ASIC2: variants seen among roughly 807,000 people sequenced by gnomAD.
ASIC2 encodes acid-sensing ion channel 2.
A neutral mutation model predicts 57.3 loss-of-function variants in ASIC2; 25 were observed. The ratio of observed to expected loss-of-function variants is 0.44; its 90% CI spans 0.32 to 0.61. The LOEUF (loss-of-function observed/expected upper bound fraction) is 0.61, where lower values mean the gene tolerates loss of function less well. Ranked by LOEUF, ASIC2 falls within the 20% of genes least tolerant of loss-of-function variation. The pLI is 0.06. For synonymous variants in ASIC2, 319 were observed against 307.5 expected (o/e 1.04, Z -0.39); for missense variants, 641 against 738.1 (o/e 0.87, Z 1.52).
chr17:33,969,612 G>A (rs1352933997), intron 1 of ASIC2, among the ~76,000 whole-genome samples: 2 of 152,190 alleles, frequency 1.3e-5, no homozygotes, highest in Admixed American at 6.5e-5. Flanking sequence ...TCCCACTGGG[G>A]TCTCTGGGCG....
At chr17:33,967,801 C>T (rs761432753) in intron 1 of ASIC2, among the ~76,000 whole-genome samples, 2 of 152,194 alleles carry the variant, frequency 1.3e-5, no homozygotes, top group East Asian at 1.9e-4. Flanking sequence ...CCTCACCACA[C>T]CCCTGTGAGT....
intron 1 of ASIC2, among the ~76,000 whole-genome samples, chr17:33,797,689 A>G (rs1483158349): frequency 6.6e-6 from 1 of 152,162 alleles, no homozygotes; most frequent in Admixed American, 6.5e-5. Flanking sequence ...GACCAAGGTA[A>G]TTTGCTGAAG....
intron 1 of ASIC2, among the ~76,000 whole-genome samples, chr17:33,639,761 G>A (rs200641594): frequency 9.3e-3 from 1,156 of 124,684 alleles, no homozygotes; most frequent in Middle Eastern, 0.017. Flanking sequence ...CTCAGGTTAA[G>A]AAAAAAAAAA....
rs569752796 is a variant in ASIC2, at chr17:33,538,551, C to T, written c.556-426484G>A. ...TCACAAGGCCAGTGCTTGGCAAAGC[C>T]GGGATAGAAACCCAGTTCCTCTGAC... On this transcript the variant is annotated intron_variant, in intron 1 of 9. Coordinates refer to the ASIC2 transcript ENST00000359872. Among the ~76,000 whole-genome samples, 52 of 152,298 alleles carry T rather than the reference C, an allele frequency of 3.4e-4. No individual in the cohort carries two copies. In the South Asian group the frequency reaches 9.1e-3, roughly 27 times the overall value.
At chr17:34,087,892 A>G (rs566401723) in intron 1 of ASIC2, among the ~76,000 whole-genome samples, 40 of 152,252 alleles carry the variant, frequency 2.6e-4, no homozygotes, top group African/African-American at 9.1e-4. Flanking sequence ...CAGCTCCATC[A>G]GCTCCTTTAA....
At chr17:33,395,450 A>T (rs1199437765) in intron 1 of ASIC2, among the ~76,000 whole-genome samples, 4 of 152,170 alleles carry the variant, frequency 2.6e-5, no homozygotes, top group Admixed American at 6.5e-5. Flanking sequence ...AAAAATCATC[A>T]GATTTTGTGA....
intron 1 of ASIC2, among the ~76,000 whole-genome samples, chr17:33,993,361 G>C (rs1906058326): frequency 6.6e-6 from 1 of 152,192 alleles, no homozygotes; most frequent in African/African-American, 2.4e-5. Context: ...TTGTCCAAAA[G>C]AGAACAGCAG....
intron 1 of ASIC2, among the ~76,000 whole-genome samples, chr17:33,475,008 G>T (rs1424390094): frequency 6.6e-6 from 1 of 152,072 alleles, no homozygotes; most frequent in Non-Finnish European, 1.5e-5. Context: ...CTCCAGGATG[G>T]TTTTTTGTTA....
In ASIC2 at chr17:33,406,881, G is replaced by T. The variant is rs112928340; in HGVS notation, c.556-294814C>A. Reference sequence around the variant, plus strand: ...TGTATTTGCAGAAGATGTTGAAAATGATGAAAGTTATAATAGACTAATGTT... The same window carrying T: ...TGTATTTGCAGAAGATGTTGAAAATTATGAAAGTTATAATAGACTAATGTT... On this transcript the variant is annotated intron_variant, in intron 1 of 9. Coordinates refer to the ASIC2 transcript ENST00000359872. Among the ~76,000 whole-genome samples, 392 of 152,294 alleles carry T rather than the reference G, an allele frequency of 2.6e-3. 2 individuals are homozygous for T. The highest frequency in any genetic ancestry group is 9.1e-3 in the African/African-American group (377 of 41,568).
At chr17:33,578,057 G>C (rs1397147441) in intron 1 of ASIC2, among the ~76,000 whole-genome samples, 1 of 152,148 alleles carries the variant, frequency 6.6e-6, no homozygotes, top group Non-Finnish European at 1.5e-5. Context: ...GGGTGGAGCT[G>C]AATTTCTATA....
At chr17:33,820,995 CAGTTCTGCCGGG>C (rs1912729813) in intron 1 of ASIC2, among the ~76,000 whole-genome samples, 1 of 152,236 alleles carries the variant, frequency 6.6e-6, no homozygotes. Context: ...TAGGTACAAA[CAGTTCTGCCGGG>C]AGTTCTGCAT....
intron 1 of ASIC2, among the ~76,000 whole-genome samples, chr17:34,147,816 C>T (rs950592110): frequency 1.3e-5 from 2 of 152,138 alleles, no homozygotes; most frequent in African/African-American, 4.8e-5. Flanking sequence ...TCTCTAGACT[C>T]AGGTGGTATC....
Position 33,291,795 on chromosome 17 carries a change from G to A in ASIC2, c.321C>T (p.Arg107=). The change falls in exon 1 of 10, where the codon CGC becomes CGT. Residue 107 remains arginine, a synonymous_variant. Transcript: ENST00000225823. ...ACGGGAAGCTGAGCCAGTAGAGCAA[G>A]CGGTTCGAGGACCAGGACAGCAGCA... ...FGLLLSWSSN[R]LLYWLSFPSH... The A allele has an allele frequency of 6.2e-7, 1 of 1,613,662 alleles. No homozygotes were observed. Among genetic ancestry groups the A allele is most frequent in the East Asian group, 2.2e-5 (1 of 44,846 alleles).
chr17:33,406,370 C>T (rs895803755), intron 1 of ASIC2, among the ~76,000 whole-genome samples: 15 of 152,250 alleles, frequency 9.9e-5, no homozygotes, highest in East Asian at 3.9e-4. Context: ...TCAATGTGGA[C>T]GGGGCATAAA....
intron 1 of ASIC2, among the ~76,000 whole-genome samples, chr17:33,424,666 C>T (rs1304047803): frequency 6.6e-6 from 1 of 152,186 alleles, no homozygotes; most frequent in Non-Finnish European, 1.5e-5. Context: ...GTTCTCGGAT[C>T]AACTTTCATT....
intron 1 of ASIC2, among the ~76,000 whole-genome samples, chr17:33,876,140 CT>C: frequency 6.6e-6 from 1 of 152,170 alleles, no homozygotes; most frequent in East Asian, 1.9e-4. Flanking sequence ...ATCTTTGTTT[CT>C]TTGTACCTCT....
chr17:33,561,398 A>C (rs2141984125), intron 1 of ASIC2, among the ~76,000 whole-genome samples: 1 of 152,310 alleles, frequency 6.6e-6, no homozygotes, highest in African/African-American at 2.4e-5. Flanking sequence ...CTCTAAGCTT[A>C]GTTTCTTGCT....
At position 33,880,723 on chromosome 17, in the gene ASIC2, C is replaced by G. The variant is rs375646344; in HGVS notation, c.555+275255G>C. On this transcript the variant is annotated intron_variant, in intron 1 of 9. Coordinates refer to the ASIC2 transcript ENST00000359872. The stretch of plus-strand genomic sequence containing the variant: ...TTCCTTCTGAAACTACTATTCTGAT[C>G]AATAGAAAAAGAGGGAATCCTCCCT... 2.6e-5 allele frequency among the ~76,000 whole-genome samples: 4 copies of G among 152,228 alleles called. No individual in the cohort carries two copies. The East Asian group carries it at 5.8e-4, about 22-fold the overall frequency.
intron 1 of ASIC2, among the ~76,000 whole-genome samples, chr17:33,624,622 CT>C (rs1450282738): frequency 6.6e-6 from 1 of 152,250 alleles, no homozygotes; most frequent in African/African-American, 2.4e-5. Context: ...GTCTCAGGTT[CT>C]AGTGCTGGCT....
Sources: gnomAD v4.1 joint callset for allele counts (sites outside exome capture counted in the v4.1 genomes callset) on GRCh38, gnomAD v4.1.1 for gene constraint, MANE v1.5 for transcripts, NCBI Gene and HGNC (gene_info 2026-07-23, HGNC 2026-07-21) for gene names.